The following CKAP2 variants were observed in gnomAD, a reference collection of about 807,000 sequenced individuals.
CKAP2 encodes cytoskeleton associated protein 2, also known as cytoskeleton-associated protein 2.
A neutral mutation model predicts 58.4 loss-of-function variants in CKAP2; 46 were observed. The ratio of observed to expected loss-of-function variants is 0.79; its 90% CI spans 0.62 to 1.01. CKAP2 has a LOEUF of 1.01. Among genes scored for constraint, CKAP2 ranks in the 50% least tolerant of loss-of-function variants. The pLI is 0.00. For synonymous variants in CKAP2, 293 were observed against 280.9 expected (o/e 1.04, Z -0.43); for missense variants, 809 against 796.4 (o/e 1.02, Z -0.19).
rs72440971 is a variant in CKAP2 at position 52,455,635 on chromosome 13, C to CGCGGTGGCGGTGGCGGTGGCGGTG, written c.70+26_70+49dup. The CGCGGTGGCGGTGGCGGTGGCGGTG allele has an allele frequency of 1.3e-6, 2 of 1,563,046 alleles. No homozygotes were observed. Among genetic ancestry groups the CGCGGTGGCGGTGGCGGTGGCGGTG allele is most frequent in the African/African-American group, 1.4e-5 (1 of 70,116 alleles). ...GCAGTCCGCATTCAAAGGTGAAGGC[C>CGCGGTGGCGGTGGCGGTGGCGGTG]GCGGTGGCGGTGGCGGTGGCGGTGG... On this transcript the variant is annotated intron_variant, in intron 1 of 8. Coordinates refer to ENST00000258607, the MANE Select transcript of CKAP2 (RefSeq NM_018204.5).
intron 5 of CKAP2, among the ~76,000 whole-genome samples, chr13:52,464,935 A>G (rs1051457429): frequency 6.6e-6 from 1 of 152,198 alleles, no homozygotes; most frequent in Non-Finnish European, 1.5e-5. Flanking sequence ...TTTTGATACT[A>G]TGAACTTTTT....
In CKAP2 at chr13:52,466,260, C is replaced by T. The variant is rs1958676127; in HGVS notation, c.1476+795C>T. ...GGTTGGGTTTTTGTTTTTATGGATA[C>T]ATGTTCTTCAAATATGTTTCCTTTT... On this transcript the variant is annotated intron_variant, in intron 6 of 8. Transcript: ENST00000258607. Among the ~76,000 whole-genome samples, 3 of 152,160 alleles carry T rather than the reference C, an allele frequency of 2.0e-5. No individual in the cohort carries two copies. The South Asian group carries it at 6.2e-4, about 32-fold the overall frequency.
intron 2 of CKAP2, among the ~76,000 whole-genome samples, chr13:52,456,924 C>T (rs1275731740): frequency 1.3e-5 from 2 of 151,592 alleles, no homozygotes; most frequent in East Asian, 3.9e-4. Flanking sequence ...GACAGAGTCT[C>T]ACTCTGTTGC....
chr13:52,465,767 TGG>T (rs1484295234), intron 6 of CKAP2: 1 of 486,888 alleles, frequency 2.1e-6, no homozygotes, highest in East Asian at 5.6e-5. Context: ...GGAAGTTTAC[TGG>T]GAGACTGAAT....
Position 52,475,193 on chromosome 13 carries a change from T to G in CKAP2, c.*52T>G. 1 of 1,588,908 alleles carries G rather than the reference T, an allele frequency of 6.3e-7. No individual in the cohort carries two copies. Among genetic ancestry groups the G allele is most frequent in the South Asian group, 1.1e-5 (1 of 87,598 alleles). ...GGGTTTTTATTATTTGTGGGGTGTT[T>G]TGTTTTGAGTAGCTTTATATTGCTC... On this transcript the variant is annotated 3_prime_UTR_variant, in exon 9 of 9. Transcript: ENST00000258607.
intron 7 of CKAP2, among the ~76,000 whole-genome samples, 200 bp downstream of exon 7, chr13:52,468,547 TC>T (rs1389215065): frequency 2.6e-5 from 4 of 152,178 alleles, no homozygotes; most frequent in Admixed American, 6.6e-5. Flanking sequence ...TTTTTCCTGA[TC>T]CTCTCCCTCC....
intron 5 of CKAP2, among the ~76,000 whole-genome samples, chr13:52,463,473 CA>C (rs1338856150): frequency 6.6e-6 from 1 of 151,830 alleles, no homozygotes; most frequent in African/African-American, 2.4e-5. Flanking sequence ...AATTAATTAA[CA>C]GTTTAAAAAA....
chr13:52,462,287 T>A, intron 4 of CKAP2, 76 bp from the exon 5 acceptor site: 1 of 1,335,946 alleles, frequency 7.5e-7, no homozygotes, highest in Non-Finnish European at 1.0e-6. Context: ...AAAAATATGA[T>A]TTTTTCTTTT....
At chr13:52,458,600 T>G (rs7328653) in intron 2 of CKAP2, among the ~76,000 whole-genome samples, 63,726 of 152,080 alleles carry the variant, frequency 0.42, 14,864 homozygotes, top group East Asian at 0.58. Context: ...CAGTGGCTCA[T>G]GCCTGTAATC....
At chr13:52,458,844 C>T (rs942703554) in intron 2 of CKAP2, among the ~76,000 whole-genome samples, 13 of 147,950 alleles carry the variant, frequency 8.8e-5, no homozygotes, top group Non-Finnish European at 1.6e-4. Context: ...GTGACAAGAG[C>T]GAGACTTTGT....
intron 2 of CKAP2, among the ~76,000 whole-genome samples, chr13:52,459,003 C>T (rs940028953): frequency 6.6e-6 from 1 of 152,184 alleles, no homozygotes; most frequent in African/African-American, 2.4e-5. Flanking sequence ...TATCCTAAGA[C>T]TCATTTCCGA....
Position 52,458,691 on chromosome 13 carries a change from C to T in CKAP2, c.155+2084C>T, listed in dbSNP as rs143649626. Among the ~76,000 whole-genome samples the T allele has an allele frequency of 6.5e-4, 99 of 151,950 alleles. No homozygotes were observed. In the East Asian group the frequency reaches 0.015, roughly 22 times the overall value. ...CAGCCTGGCCAACATGGTGAAACCCCGTCTCTACTAAAAATATAAAAATTA... is the reference window on the plus strand; with the variant it reads ...CAGCCTGGCCAACATGGTGAAACCCTGTCTCTACTAAAAATATAAAAATTA... On this transcript the variant is annotated intron_variant, in intron 2 of 8. Coordinates refer to ENST00000258607, the MANE Select transcript of CKAP2 (RefSeq NM_018204.5).
At chr13:52,474,266 A>C in intron 8 of CKAP2, among the ~76,000 whole-genome samples, 182 bp downstream of exon 8, 1 of 152,246 alleles carries the variant, frequency 6.6e-6, no homozygotes, top group Admixed American at 6.5e-5. Context: ...CAGACAGATC[A>C]CTTGAGCCCA....
rs576169029 is a variant in CKAP2, at chr13:52,459,625, A to AT, written c.156-1264dup. ...GGTGTGACCCACTGTTCCTGGCCTCATTTTTTTTTTCAGAGAATGAGAGAT... is the reference window on the plus strand; with the variant it reads ...GGTGTGACCCACTGTTCCTGGCCTCATTTTTTTTTTTCAGAGAATGAGAGAT... On this transcript the variant is annotated intron_variant, in intron 2 of 8. Coordinates refer to ENST00000258607, the MANE Select transcript of CKAP2 (RefSeq NM_018204.5). 7.9e-3 allele frequency among the ~76,000 whole-genome samples: 1,162 copies of AT among 146,610 alleles called. 6 individuals carry two copies. The highest frequency in any genetic ancestry group is 0.018 in the African/African-American group (702 of 40,064).
chr13:52,455,887 G>A, intron 1 of CKAP2: 1 of 1,048,958 alleles, frequency 9.5e-7, no homozygotes, highest in Non-Finnish European at 1.2e-6. Flanking sequence ...TTAGGCGAGG[G>A]GAAACGCGCG....
chr13:52,458,871 A>G (rs1477867113), intron 2 of CKAP2, among the ~76,000 whole-genome samples: 2 of 151,976 alleles, frequency 1.3e-5, no homozygotes, highest in African/African-American at 4.8e-5. Flanking sequence ...AAAAAAAAAA[A>G]GGAAAACAGA....
rs936602797 is a variant in CKAP2 at position 52,456,902 on chromosome 13, T to G, written c.155+295T>G. Reference sequence around the variant, plus strand: ...CATTAGATCATCGTTTTATTAATTTTTTTTTTTTTGAGACAGAGTCTCACT... The same window carrying G: ...CATTAGATCATCGTTTTATTAATTTGTTTTTTTTTGAGACAGAGTCTCACT... On this transcript the variant is annotated intron_variant, in intron 2 of 8. Transcript: ENST00000258607. Among the ~76,000 whole-genome samples, 9 of 152,218 alleles carry G rather than the reference T, an allele frequency of 5.9e-5. No homozygotes were observed. The East Asian group carries it at 1.7e-3, about 29-fold the overall frequency.
intron 1 of CKAP2, 141 bp downstream of exon 1, chr13:52,455,767 C>T (rs964121144): frequency 7.0e-5 from 72 of 1,035,206 alleles, no homozygotes; most frequent in Non-Finnish European, 8.8e-5. Context: ...GTCGGCCTCG[C>T]CCTGCCTCAT....
chr13:52,465,909 A>ATATATACACACATG, intron 6 of CKAP2: 1 of 334,372 alleles, frequency 3.0e-6, no homozygotes, highest in Non-Finnish European at 5.8e-6. Context: ...ATATATGTAT[A>ATATATACACACATG]TATATACACA....
Sources: gnomAD v4.1 joint callset for allele counts (sites outside exome capture counted in the v4.1 genomes callset) on GRCh38, gnomAD v4.1.1 for gene constraint, MANE v1.5 for transcripts, NCBI Gene and HGNC (gene_info 2026-07-23, HGNC 2026-07-21) for gene names.